The following KLHL32 variants were observed in gnomAD, a reference collection of about 807,000 sequenced individuals.
KLHL32 encodes the protein kelch like family member 32, also known as kelch-like protein 32.
In KLHL32, 35 loss-of-function variants were observed where a neutral mutation model predicts 64.8. The observed-to-expected ratio is 0.54, with a 90% confidence interval of 0.41 to 0.72. The LOEUF (loss-of-function observed/expected upper bound fraction) is 0.72, where lower values mean the gene tolerates loss of function less well. Ranked by LOEUF, KLHL32 falls within the 30% of genes least tolerant of loss-of-function variation. The pLI is 0.00. For synonymous variants in KLHL32, 259 were observed against 281.0 expected, an observed-to-expected ratio of 0.92 and a Z score of 0.78; for missense variants, 589 against 768.5, an observed-to-expected ratio of 0.77 and a Z score of 2.76.
chr6:97,002,737 G>A (rs6568700), intron 3 of KLHL32, among the ~76,000 whole-genome samples: 15,445 of 152,144 alleles, frequency 0.1, 1,027 homozygotes, highest in East Asian at 0.31. Context: ...TTGGTTTTCT[G>A]TTCCTGCGTT....
intron 1 of KLHL32, among the ~76,000 whole-genome samples, chr6:96,948,494 C>A (rs1997772): frequency 0.74 from 112,683 of 151,892 alleles, 42,107 homozygotes; most frequent in African/African-American, 0.82. Context: ...GGGCAAGTCT[C>A]TTTTTTTGTG....
In KLHL32 at chr6:96,942,805, C is replaced by G. The variant is rs369562307; in HGVS notation, c.-66+17779C>G. ...CAGGTTATTCTGATGCCACCACCTC[C>G]CTTTCTACCTCCATCTCTAGTTTTT... is the stretch of plus-strand genomic sequence containing the variant. On this transcript the variant is annotated intron_variant, in intron 1 of 10. Transcript: ENST00000369261. 1.4e-3 allele frequency among the ~76,000 whole-genome samples: 207 copies of G among 152,064 alleles called. 4 individuals are homozygous for G. The South Asian group carries it at 0.015, about 11-fold the overall frequency.
intron 2 of KLHL32, among the ~76,000 whole-genome samples, chr6:96,975,087 G>C (rs551888923): frequency 3.3e-4 from 51 of 152,334 alleles, no homozygotes; most frequent in South Asian, 1.4e-3. Context: ...TGTCTGTAAA[G>C]TGAAAGTTTG....
chr6:97,111,032 G>GC (rs113636861), intron 6 of KLHL32, among the ~76,000 whole-genome samples: 12 of 145,614 alleles, frequency 8.2e-5, no homozygotes, highest in African/African-American at 2.8e-4. Flanking sequence ...AAAAGTCTTG[G>GC]GGGGGGGGGG....
intron 10 of KLHL32, among the ~76,000 whole-genome samples, chr6:97,134,036 A>G (rs1440824548): frequency 6.6e-6 from 1 of 152,178 alleles, no homozygotes; most frequent in African/African-American, 2.4e-5. Context: ...TGGAAATAAT[A>G]AAACACATTG....
chr6:96,976,384 C>T (rs1333456088), intron 3 of KLHL32, among the ~76,000 whole-genome samples: 1 of 152,048 alleles, frequency 6.6e-6, no homozygotes, highest in African/African-American at 2.4e-5. Context: ...CAATGTAGAA[C>T]AGACCTCCCT....
chr6:97,134,021 A>G (rs1460908745), intron 10 of KLHL32, among the ~76,000 whole-genome samples: 1 of 152,162 alleles, frequency 6.6e-6, no homozygotes, highest in Admixed American at 6.5e-5. Flanking sequence ...AAACCCCTAC[A>G]TAACTGGAAA....
chr6:96,934,102 G>C (rs1770269752), intron 1 of KLHL32, among the ~76,000 whole-genome samples: 2 of 152,164 alleles, frequency 1.3e-5, no homozygotes. Flanking sequence ...TACTGCTTTT[G>C]ACTGGGCATT....
chr6:96,941,845 T>A (rs1161721905), intron 1 of KLHL32, among the ~76,000 whole-genome samples: 1 of 152,126 alleles, frequency 6.6e-6, no homozygotes, highest in African/African-American at 2.4e-5. Flanking sequence ...GACCTCTTAC[T>A]TTTTCTCTGT....
At chr6:97,028,292 C>T (rs1783029860) in intron 3 of KLHL32, among the ~76,000 whole-genome samples, 1 of 152,052 alleles carries the variant, frequency 6.6e-6, no homozygotes. Flanking sequence ...AGGGAAGGGC[C>T]AGTGATCTCT....
intron 5 of KLHL32, among the ~76,000 whole-genome samples, chr6:97,080,808 T>C (rs1487956253): frequency 2.6e-5 from 4 of 152,080 alleles, no homozygotes; most frequent in Non-Finnish European, 5.9e-5. Flanking sequence ...ATGCTGAAGA[T>C]AATTATAGGT....
At chr6:96,932,871 A>T (rs1770111696) in intron 1 of KLHL32, among the ~76,000 whole-genome samples, 1 of 152,098 alleles carries the variant, frequency 6.6e-6, no homozygotes, top group African/African-American at 2.4e-5. Context: ...GTACCTTACC[A>T]AGTTGCCAAT....
At chr6:96,931,348 T>C (rs1582374226) in intron 1 of KLHL32, among the ~76,000 whole-genome samples, 1 of 152,242 alleles carries the variant, frequency 6.6e-6, no homozygotes, top group East Asian at 1.9e-4. Context: ...CTTTTCAAAG[T>C]CACCCCCCGG....
chr6:96,950,785 C>G (rs1028364109), intron 1 of KLHL32, among the ~76,000 whole-genome samples: 7 of 152,182 alleles, frequency 4.6e-5, no homozygotes, highest in Non-Finnish European at 1.0e-4. Flanking sequence ...GGGTTGTCCT[C>G]TTTGCCATAG....
At chr6:97,134,769 A>G (rs1360562578) in intron 10 of KLHL32, among the ~76,000 whole-genome samples, 3 of 152,206 alleles carry the variant, frequency 2.0e-5, no homozygotes, top group Non-Finnish European at 4.4e-5. Flanking sequence ...AGTTTAGGAG[A>G]TCAGAGTGCT....
intron 6 of KLHL32, among the ~76,000 whole-genome samples, chr6:97,112,278 A>T (rs140054692): frequency 1.3e-4 from 20 of 152,292 alleles, no homozygotes; most frequent in Middle Eastern, 6.8e-3. Flanking sequence ...TGGGAGATCT[A>T]CTTTAATGTA....
the KLHL32 span, among the ~76,000 whole-genome samples, chr6:96,901,460 C>T: frequency 3.9e-5 from 6 of 152,046 alleles, no homozygotes; most frequent in East Asian, 9.7e-4. Context: ...CTCTTTCCAT[C>T]GTAACACCCT....
intron 6 of KLHL32, among the ~76,000 whole-genome samples, chr6:97,104,845 G>A (rs75277098): frequency 3.4e-4 from 52 of 152,278 alleles, no homozygotes; most frequent in African/African-American, 1.2e-3. Context: ...GGTGCTTTTC[G>A]ATTTTATGGG....
chr6:97,107,142 A>G (rs1032810570), intron 6 of KLHL32, among the ~76,000 whole-genome samples: 3 of 152,000 alleles, frequency 2.0e-5, no homozygotes, highest in Non-Finnish European at 2.9e-5. Context: ...AAATACAAAA[A>G]ATTAGCTGGG....
Sources: gnomAD v4.1 joint callset for allele counts (sites outside exome capture counted in the v4.1 genomes callset) on GRCh38, gnomAD v4.1.1 for gene constraint, MANE v1.5 for transcripts, NCBI Gene and HGNC (gene_info 2026-07-23, HGNC 2026-07-21) for gene names.